The following CEP152 variants were observed in gnomAD, a reference collection of about 807,000 sequenced individuals.
CEP152 encodes centrosomal protein of 152 kDa.
A neutral mutation model predicts 188.9 loss-of-function variants in CEP152; 132 were observed. That is an observed-to-expected ratio of 0.70 (90% confidence interval 0.61 to 0.81). The LOEUF is 0.81. Among genes scored for constraint, CEP152 ranks in the 30% least tolerant of loss-of-function variants. The pLI, the probability that CEP152 is intolerant of heterozygous loss-of-function variation, is 0.00. For synonymous variants in CEP152, 649 were observed against 666.6 expected (o/e 0.97, Z 0.41); for missense variants, 1,914 against 1,969.8 (o/e 0.97, Z 0.54).
intron 24 of CEP152, among the ~76,000 whole-genome samples, chr15:48,742,617 CTTT>C (rs997579662): frequency 3.3e-5 from 5 of 152,090 alleles, no homozygotes; most frequent in African/African-American, 1.2e-4. Context: ...TTCAGCAGCA[CTTT>C]TTGAGCATCT....
At chr15:48,807,056 TC>T (rs1223529147) in intron 1 of CEP152, among the ~76,000 whole-genome samples, 2 of 152,096 alleles carry the variant, frequency 1.3e-5, no homozygotes, top group African/African-American at 2.4e-5. Flanking sequence ...TCTAATCCCT[TC>T]CTCTCTGGTC....
At chr15:48,732,686 G>T (rs548594864) in intron 2 of CEP152, among the ~76,000 whole-genome samples, 71 of 149,584 alleles carry the variant, frequency 4.7e-4, no homozygotes, top group Admixed American at 1.4e-3. Flanking sequence ...GAAAAAAAAA[G>T]AATACATGAT....
Position 48,772,591 on chromosome 15 carries a change from T to G in CEP152, c.1678A>C (p.Lys560Gln). ...VQRLLGSNSM[K>Q]RHLVSQLQND... Reference sequence around the variant, plus strand: ...TGTAACTGAGACACCAGATGACGCTTCATTGAGTTGCTACCCAGCAAACGC... The same window carrying G: ...TGTAACTGAGACACCAGATGACGCTGCATTGAGTTGCTACCCAGCAAACGC... The change falls in exon 13 of 27, where the codon AAG becomes CAG. Residue 560 changes from lysine (K) to glutamine (Q), a missense_variant. By Grantham distance (53) the Lys-to-Gln change is moderately conservative (BLOSUM62 1). Coordinates refer to ENST00000380950, the MANE Select transcript of CEP152 (RefSeq NM_001194998.2). The G allele has an allele frequency of 6.2e-7, 1 of 1,614,128 alleles. No homozygotes were observed.
chr15:48,774,329 A>G lies in CEP152; in HGVS notation c.1578-1638T>C, dbSNP rs1895746561. 2.6e-5 allele frequency among the ~76,000 whole-genome samples: 4 copies of G among 152,298 alleles called. No individual in the cohort carries two copies. In the South Asian group the frequency reaches 8.3e-4, roughly 32 times the overall value. ...AAAAAATAATGGCCAAATTTTTCCTAATTTGATGAAAATGAAAACCCCACA... is the reference window on the plus strand; with the variant it reads ...AAAAAATAATGGCCAAATTTTTCCTGATTTGATGAAAATGAAAACCCCACA... On this transcript the variant is annotated intron_variant, in intron 12 of 26. Transcript: ENST00000380950.
At chr15:48,734,280 G>T (rs996146450), downstream of CEP152, among the ~76,000 whole-genome samples, 2 of 150,690 alleles carry the variant, frequency 1.3e-5, no homozygotes, top group Non-Finnish European at 3.0e-5. Flanking sequence ...AGGAAATGAA[G>T]CTAAACTGGG....
At chr15:48,794,181 C>A (rs1210948907) in intron 6 of CEP152, among the ~76,000 whole-genome samples, 1 of 151,542 alleles carries the variant, frequency 6.6e-6, no homozygotes, top group Non-Finnish European at 1.5e-5. Context: ...ATCTACTCCA[C>A]GAATACATAA....
At chr15:48,772,233 G>A (rs1284542259) in intron 13 of CEP152, among the ~76,000 whole-genome samples, 1 of 151,978 alleles carries the variant, frequency 6.6e-6, no homozygotes, top group Non-Finnish European at 1.5e-5. Flanking sequence ...CAACATTGTG[G>A]GAACCTGTCT....
At chr15:48,760,446 C>A (rs1349873963) in intron 18 of CEP152, among the ~76,000 whole-genome samples, 180 bp from the exon 19 acceptor site, 1 of 152,234 alleles carries the variant, frequency 6.6e-6, no homozygotes, top group Non-Finnish European at 1.5e-5. Flanking sequence ...TTGTTGTAAA[C>A]TTCCCATAGC....
intron 12 of CEP152, among the ~76,000 whole-genome samples, chr15:48,775,825 T>G (rs973745445): frequency 6.6e-6 from 1 of 152,044 alleles, no homozygotes; most frequent in South Asian, 2.1e-4. Context: ...GGTGTGGTGA[T>G]GACTGCACAG....
intron 2 of CEP152, among the ~76,000 whole-genome samples, chr15:48,732,668 G>T (rs80159304): frequency 1.1e-4 from 15 of 135,598 alleles, no homozygotes; most frequent in African/African-American, 4.2e-4. Flanking sequence ...TTTTTTTTTA[G>T]AGTAAAGGAA....
chr15:48,741,974 T>C lies in CEP152; in HGVS notation c.3962A>G (p.Gln1321Arg). The change falls in exon 25 of 27, where the codon CAG (glutamine) becomes CGG (arginine). Residue 1321 changes from glutamine (Q) to arginine (R), a missense_variant. Coordinates refer to ENST00000380950, the MANE Select transcript of CEP152 (RefSeq NM_001194998.2). ...TTCTTTTCCATCATCCTGCAAAATCTGTTGGAGGCAAATCAAATAATATTT... is the reference window on the plus strand; with the variant it reads ...TTCTTTTCCATCATCCTGCAAAATCCGTTGGAGGCAAATCAAATAATATTT... ...MRKYYLICLQ[Q>R]ILQDDGKEGA... 1 of 1,614,222 alleles carries C rather than the reference T, an allele frequency of 6.2e-7. No individual in the cohort carries two copies. The highest frequency in any genetic ancestry group is 8.5e-7 in the Non-Finnish European group (1 of 1,180,034).
At chr15:48,735,668 G>A (rs1892570016), downstream of CEP152, among the ~76,000 whole-genome samples, 1 of 152,168 alleles carries the variant, frequency 6.6e-6, no homozygotes, top group Non-Finnish European at 1.5e-5. Flanking sequence ...CCGGGAGACG[G>A]AGGTTGCAAT....
Position 48,739,018 on chromosome 15 carries a change from C to T in CEP152, c.4364G>A (p.Ser1455Asn), listed in dbSNP as rs1399692879. 6.2e-7 allele frequency: 1 copy of T among 1,614,162 alleles called. No homozygotes were observed. Among genetic ancestry groups the T allele is most frequent in the Admixed American group, 1.7e-5 (1 of 60,024 alleles). Residue 1455 changes from serine (S) to asparagine (N), a missense_variant, in exon 27 of 27, where the codon AGT (serine) becomes AAT (asparagine). Ser to Asn is a conservative substitution (Grantham distance 46). Transcript: ENST00000380950. ...FGDGSCKHLN[S>N]LPRNVSPEFV... Reference sequence around the variant, plus strand: ...CTCAGGAGAAACATTCCTTGGCAAACTGTTTAGGTGCTTGCAACTACCATC... The same window carrying T: ...CTCAGGAGAAACATTCCTTGGCAAATTGTTTAGGTGCTTGCAACTACCATC...
intron 2 of CEP152, among the ~76,000 whole-genome samples, chr15:48,804,945 A>T (rs964698829): frequency 6.6e-6 from 1 of 152,060 alleles, no homozygotes; most frequent in African/African-American, 2.4e-5. Flanking sequence ...CCAACTTCCC[A>T]GCTTACACTC....
chr15:48,735,939 C>G (rs1374236610), downstream of CEP152, among the ~76,000 whole-genome samples: 1 of 151,800 alleles, frequency 6.6e-6, no homozygotes. Flanking sequence ...CACAGAATAC[C>G]AAAATCAGGA....
At position 48,784,093 on chromosome 15, in the gene CEP152, G is replaced by T; in HGVS notation, c.1201C>A (p.His401Asn). ...TGATTCCTTTCCAGTTGTTTCACGT[G>T]ATCTTTCAGACGAGAGCAAATGTCT... ...QEDICSRLKD[H>N]VKQLERNQEA... is the part of the protein sequence containing the mutation. Residue 401 changes from histidine (H) to asparagine (N), a missense_variant, in exon 10 of 27, where the codon CAC becomes AAC. Transcript: ENST00000380950. 1 of 1,613,524 alleles carries T rather than the reference G, an allele frequency of 6.2e-7. No homozygotes were observed. Among genetic ancestry groups the T allele is most frequent in the Non-Finnish European group, 8.5e-7 (1 of 1,179,720 alleles).
chr15:48,784,126 T>C lies in CEP152; in HGVS notation c.1174-6A>G, dbSNP rs1433409364. 6.2e-7 allele frequency: 1 copy of C among 1,611,146 alleles called. No individual in the cohort carries two copies. The highest frequency in any genetic ancestry group is 8.5e-7 in the Non-Finnish European group (1 of 1,178,462). On this transcript the variant is annotated splice_region_variant and splice_polypyrimidine_tract_variant and intron_variant, in intron 9 of 26. Transcript: ENST00000380950. ...AGACGAGAGCAAATGTCTTCCTAAA[T>C]AGAAAAAAAGTTCAGGAAGTCATTT...
At chr15:48,735,692 G>T (rs563349051), downstream of CEP152, among the ~76,000 whole-genome samples, 1 of 152,140 alleles carries the variant, frequency 6.6e-6, no homozygotes, top group East Asian at 1.9e-4. Flanking sequence ...CCAAGATCGC[G>T]CCACTTCACT....
rs780517635 is a variant in CEP152, at chr15:48,791,288, T to C, written c.921A>G (p.Gln307=). ...GTATCTGAGTCTCCAGTGCTTTTAT[T>C]TGAGCTTCAAGCTGTATCTCTCTTT... The part of the protein sequence containing the change: ...GKEREIQLEA[Q]IKALETQIQA... The change falls in exon 8 of 27, where the codon CAA becomes CAG. Residue 307 remains glutamine (Q), a synonymous_variant. Coordinates refer to ENST00000380950, the MANE Select transcript of CEP152 (RefSeq NM_001194998.2). The C allele has an allele frequency of 8.7e-6, 14 of 1,613,174 alleles. No individual in the cohort carries two copies. In the East Asian group the frequency reaches 2.2e-4, roughly 26 times the overall value.
Sources: gnomAD v4.1 joint callset for allele counts (sites outside exome capture counted in the v4.1 genomes callset) on GRCh38, gnomAD v4.1.1 for gene constraint, MANE v1.5 for transcripts, NCBI Gene and HGNC (gene_info 2026-07-23, HGNC 2026-07-21) for gene names.